ELN: variants seen among roughly 807,000 people sequenced by gnomAD.
ELN encodes the protein tropoelastin.
Under a neutral mutation model 105.8 loss-of-function variants are expected in ELN, and 65 were observed. The observed-to-expected ratio is 0.61, with a 90% confidence interval of 0.50 to 0.75. The LOEUF (loss-of-function observed/expected upper bound fraction) is 0.75. Ranked by LOEUF, ELN falls within the 30% of genes least tolerant of loss-of-function variation. ELN has a pLI of 0.00. For missense variants in ELN, 882 were observed against 969.4 expected (o/e 0.91, Z 1.20); for synonymous variants, 368 against 389.2 (o/e 0.95, Z 0.64).
chr7:74,051,906 CTG>C lies in ELN; in HGVS notation c.890-15_890-14del, dbSNP rs782018817. Reference sequence around the variant, plus strand: ...GGCCACAGGGCAAGGACCTCACCCTCTGTGGCTGTGTTTTCAGGCGTTGGGAC... The same window carrying C: ...GGCCACAGGGCAAGGACCTCACCCTCTGGCTGTGTTTTCAGGCGTTGGGAC... On this transcript the variant is annotated splice_polypyrimidine_tract_variant and intron_variant, in intron 16 of 32. Coordinates refer to ENST00000252034, the MANE Select transcript of ELN (RefSeq NM_000501.4). 6.2e-7 allele frequency: 1 copy of C among 1,614,100 alleles called. No individual in the cohort carries two copies. The highest frequency in any genetic ancestry group is 1.1e-5 in the South Asian group (1 of 91,086).
intron 32 of ELN, 23 bp from the exon 33 acceptor site, chr7:74,068,633 TG>T: frequency 6.2e-7 from 1 of 1,614,048 alleles, no homozygotes; most frequent in Non-Finnish European, 8.5e-7. Context: ...GGACTCACAG[TG>T]ATGTGCACCT....
At chr7:74,038,150 C>T (rs1158706815) in intron 4 of ELN, 3 of 325,238 alleles carry the variant, frequency 9.2e-6, no homozygotes, top group African/African-American at 2.2e-5. Context: ...CAGACTTCCC[C>T]TGAGTGGTCC....
intron 17 of ELN, 83 bp from the exon 18 acceptor site, chr7:74,053,080 G>C: frequency 6.2e-7 from 1 of 1,603,558 alleles, no homozygotes. Flanking sequence ...AGGACCAACT[G>C]TCACTTCCAT....
rs1249832308 is a variant in ELN at position 74,066,023 on chromosome 7, A to T, written c.2086+26A>T. On this transcript the variant is annotated intron_variant, in intron 31 of 32. Transcript: ENST00000252034. Reference sequence around the variant, plus strand: ...GTAGGGGTGGCCAGCTCTGCTACGTAGTCCTCAGCTCTGTCCCGATCTAGA... The same window carrying T: ...GTAGGGGTGGCCAGCTCTGCTACGTTGTCCTCAGCTCTGTCCCGATCTAGA... The T allele has an allele frequency of 4.3e-6, 7 of 1,613,874 alleles. No homozygotes were observed. In the African/African-American group the frequency reaches 8.0e-5, roughly 18 times the overall value.
At chr7:74,032,149 G>A (rs1009586341) in intron 1 of ELN, among the ~76,000 whole-genome samples, 26 of 152,324 alleles carry the variant, frequency 1.7e-4, no homozygotes, top group Admixed American at 6.5e-5. Flanking sequence ...TATGATCCCT[G>A]AGAGTCTAGG....
In ELN at chr7:74,028,270, GT is replaced by G; in HGVS notation, c.82+2del. On this transcript the variant is annotated splice_donor_variant, in intron 1 of 32. Transcript: ENST00000252034. LOFTEE classifies it high-confidence loss of function. ...ATCCTCCACCCCTCTCGGCCTGGAG[GT>G]AAGGACCCCTCGCCCCTGTCCCCAG... 6.2e-7 allele frequency: 1 copy of G among 1,606,678 alleles called. No homozygotes were observed.
intron 15 of ELN, among the ~76,000 whole-genome samples, chr7:74,049,458 C>T (rs1222545912): frequency 2.0e-5 from 3 of 151,552 alleles, no homozygotes; most frequent in South Asian, 2.1e-4. Context: ...ATCACTCCCT[C>T]GCTCCATTCA....
Position 74,057,611 on chromosome 7 carries a change from T to C in ELN, c.1358-29T>C, listed in dbSNP as rs782359089. 5.0e-6 allele frequency: 8 copies of C among 1,613,604 alleles called. No individual in the cohort carries two copies. In the South Asian group the frequency reaches 7.7e-5, roughly 16 times the overall value. Reference sequence around the variant, plus strand: ...AGCAGGGAGGGGTGTGAGAGATTACTCTCTCACCCCTTCTCTTCACACCTC... The same window carrying C: ...AGCAGGGAGGGGTGTGAGAGATTACCCTCTCACCCCTTCTCTTCACACCTC... On this transcript the variant is annotated intron_variant, in intron 21 of 32. Coordinates refer to ENST00000252034, the MANE Select transcript of ELN (RefSeq NM_000501.4).
At position 74,066,092 on chromosome 7, in the gene ELN, C is replaced by T. The variant is rs1044056082; in HGVS notation, c.2086+95C>T. On this transcript the variant is annotated intron_variant, in intron 31 of 32. Coordinates refer to ENST00000252034, the MANE Select transcript of ELN (RefSeq NM_000501.4). ...CAGTGGGGACTCCCAGAGCCCATGT[C>T]CACACAAGGACAGGAGACTGGGGCT... is the stretch of plus-strand genomic sequence containing the variant. 3.1e-5 allele frequency: 49 copies of T among 1,565,702 alleles called. 1 individual carries two copies. In the East Asian group the frequency reaches 5.4e-4, roughly 17 times the overall value.
intron 22 of ELN, 109 bp from the exon 23 acceptor site, chr7:74,059,777 G>C (rs1796183889): frequency 3.8e-6 from 3 of 783,926 alleles, no homozygotes; most frequent in Admixed American, 1.7e-5. Flanking sequence ...ACTGATCCAG[G>C]GTCACACAGC....
intron 31 of ELN, among the ~76,000 whole-genome samples, 175 bp downstream of exon 31, chr7:74,066,172 T>C (rs1001552965): frequency 5.3e-5 from 8 of 152,140 alleles, no homozygotes; most frequent in East Asian, 1.9e-4. Flanking sequence ...AGCTATAAGG[T>C]TGGGGACAGT....
chr7:74,068,576 G>C (rs1293113734), intron 32 of ELN, 81 bp from the exon 33 acceptor site: 2 of 1,569,750 alleles, frequency 1.3e-6, no homozygotes, highest in Non-Finnish European at 1.8e-6. Flanking sequence ...GCCTCCATTC[G>C]AGTGGGTCAG....
rs147367888 is a variant in ELN at position 74,051,964 on chromosome 7, C to T, written c.930C>T (p.Ala310=). ...CTGCAGCTGCAGCTGCAGCAGCAGCCGCTAAGGCAGCCAAGTATGGTGAGT... is the reference window on the plus strand; with the variant it reads ...CTGCAGCTGCAGCTGCAGCAGCAGCTGCTAAGGCAGCCAAGTATGGTGAGT... ...TPAAAAAAAA[A]AKAAKYGAAA... is the part of the protein sequence containing the mutation. The change falls in exon 17 of 33, where the codon GCC becomes GCT. Residue 310 remains alanine, a synonymous_variant. Transcript: ENST00000252034. 2.1e-4 allele frequency: 344 copies of T among 1,613,424 alleles called. No homozygotes were observed. Among genetic ancestry groups the T allele is most frequent in the Non-Finnish European group, 2.6e-4 (309 of 1,180,006 alleles).
chr7:74,059,716 C>A, intron 22 of ELN, 170 bp from the exon 23 acceptor site: 2 of 736,196 alleles, frequency 2.7e-6, no homozygotes, highest in Non-Finnish European at 2.5e-6. Context: ...CCTGAGCCTG[C>A]ACACACTTCA....
At chr7:74,039,350 C>A (rs1790657476) in intron 4 of ELN, among the ~76,000 whole-genome samples, 1 of 152,206 alleles carries the variant, frequency 6.6e-6, no homozygotes, top group African/African-American at 2.4e-5. Flanking sequence ...AGGCAAGGGG[C>A]TGGATTCCAT....
intron 2 of ELN, chr7:74,035,775 G>C (rs1347074112): frequency 2.9e-6 from 1 of 343,282 alleles, no homozygotes; most frequent in Non-Finnish European, 5.6e-6. Flanking sequence ...ATGAAGTATA[G>C]AAATTAAAAA....
intron 25 of ELN, 68 bp from the exon 26 acceptor site, chr7:74,061,033 G>T: frequency 6.3e-7 from 1 of 1,593,862 alleles, no homozygotes; most frequent in South Asian, 1.1e-5. Context: ...GCTCTCTAGA[G>T]GAGGCGGCAG....
chr7:74,053,007 A>C (rs1454923497), intron 17 of ELN, 156 bp from the exon 18 acceptor site: 2 of 1,076,274 alleles, frequency 1.9e-6, no homozygotes, highest in Admixed American at 4.0e-5. Flanking sequence ...TAGTCTCTCC[A>C]CATCTCTCTG....
chr7:74,066,237 G>A (rs1797924532), intron 31 of ELN, among the ~76,000 whole-genome samples: 1 of 152,204 alleles, frequency 6.6e-6, no homozygotes, highest in Non-Finnish European at 1.5e-5. Context: ...TTGCTAGGTG[G>A]CGGCATGTTG....
Sources: gnomAD v4.1 joint callset for allele counts (sites outside exome capture counted in the v4.1 genomes callset) on GRCh38, gnomAD v4.1.1 for gene constraint, MANE v1.5 for transcripts, NCBI Gene and HGNC (gene_info 2026-07-23, HGNC 2026-07-21) for gene names.